Variants in SIN3A observed in about 807,000 individuals in gnomAD.
SIN3A encodes the protein paired amphipathic helix protein Sin3a.
In SIN3A, 14 loss-of-function variants were observed where a neutral mutation model predicts 146.1. The observed-to-expected ratio is 0.10, with a 90% CI of 0.06 to 0.15. The LOEUF is 0.15. Among genes scored for constraint, SIN3A ranks in the 10% least tolerant of loss-of-function variants. The pLI, the probability that SIN3A is intolerant of heterozygous loss-of-function variation, is 1.00. For synonymous variants in SIN3A, 572 were observed against 572.0 expected, an observed-to-expected ratio of 1.00 and a Z score of 0.00; for missense variants, 1,028 against 1,576.0, an observed-to-expected ratio of 0.65 and a Z score of 5.89.
intron 3 of SIN3A, chr15:75,415,548 G>C (rs2073717687): frequency 5.0e-6 from 1 of 198,690 alleles, no homozygotes; most frequent in African/African-American, 2.4e-5. Context: ...CAAAGCCAGA[G>C]CCCAACCCTA....
intron 1 of SIN3A, among the ~76,000 whole-genome samples, chr15:75,444,954 G>A (rs1309400159): frequency 6.6e-6 from 1 of 152,176 alleles, no homozygotes. Context: ...ATTAGGCCAG[G>A]CATGGTGGCT....
At chr15:75,413,099 T>C in intron 4 of SIN3A, 54 bp from the exon 5 acceptor site, 2 of 1,523,594 alleles carry the variant, frequency 1.3e-6, no homozygotes, top group Non-Finnish European at 1.8e-6. Flanking sequence ...AAACACCCTG[T>C]TAAGAAAAAA....
chr15:75,449,908 T>C (rs1331300272), intron 1 of SIN3A, among the ~76,000 whole-genome samples: 4 of 152,146 alleles, frequency 2.6e-5, no homozygotes, highest in Non-Finnish European at 5.9e-5. Flanking sequence ...GCCTCCCCAG[T>C]AGCTGGGATT....
intron 3 of SIN3A, chr15:75,415,998 A>G (rs1205375810): frequency 5.9e-6 from 2 of 340,242 alleles, no homozygotes; most frequent in Non-Finnish European, 1.1e-5. Flanking sequence ...CAGAAAGCTG[A>G]AGGTGCTAGA....
At chr15:75,406,924 T>G in intron 9 of SIN3A, 131 bp downstream of exon 9, 1 of 574,728 alleles carries the variant, frequency 1.7e-6, no homozygotes, top group Non-Finnish European at 3.0e-6. Context: ...GACTCACAAC[T>G]GGGAAACTAT....
intron 15 of SIN3A, 114 bp from the exon 16 acceptor site, chr15:75,389,935 G>A: frequency 3.2e-6 from 3 of 942,580 alleles, no homozygotes; most frequent in South Asian, 1.6e-5. Context: ...TGAACACTAG[G>A]TATTCAAAAT....
At chr15:75,441,476 T>A (rs1464698440) in intron 1 of SIN3A, among the ~76,000 whole-genome samples, 4 of 152,114 alleles carry the variant, frequency 2.6e-5, no homozygotes. Flanking sequence ...AAATTTTTTT[T>A]AGAGACAGGG....
At chr15:75,385,560 A>G (rs1489135101) in intron 16 of SIN3A, among the ~76,000 whole-genome samples, 1 of 152,236 alleles carries the variant, frequency 6.6e-6, no homozygotes, top group Non-Finnish European at 1.5e-5. Flanking sequence ...TTCCAAATGA[A>G]ACTTTATCAT....
chr15:75,434,983 TA>T (rs972117762), intron 1 of SIN3A, among the ~76,000 whole-genome samples: 615 of 143,460 alleles, frequency 4.3e-3, no homozygotes, highest in Non-Finnish European at 4.9e-3. Flanking sequence ...CAAAGCAATT[TA>T]AAAAAAAAAA....
chr15:75,378,177 G>T (rs2072899953), intron 19 of SIN3A, among the ~76,000 whole-genome samples: 1 of 152,206 alleles, frequency 6.6e-6, no homozygotes, highest in South Asian at 2.1e-4. Context: ...AGGAAAAAAA[G>T]ATTCATTCAT....
chr15:75,444,137 A>C (rs1449356728), intron 1 of SIN3A, among the ~76,000 whole-genome samples: 1 of 152,232 alleles, frequency 6.6e-6, no homozygotes, highest in Non-Finnish European at 1.5e-5. Context: ...TACAAGTGGT[A>C]ATAGCTAAAA....
chr15:75,380,756 G>C, intron 18 of SIN3A, 33 bp from the exon 19 acceptor site: 2 of 1,523,308 alleles, frequency 1.3e-6, no homozygotes, highest in South Asian at 1.1e-5. Flanking sequence ...CAGGTGGAAG[G>C]AAATCACAAA....
intron 15 of SIN3A, among the ~76,000 whole-genome samples, chr15:75,390,928 G>A (rs893895500): frequency 6.6e-6 from 1 of 152,124 alleles, no homozygotes; most frequent in African/African-American, 2.4e-5. Flanking sequence ...GTTACAAAAC[G>A]AACTATTTGT....
In SIN3A at chr15:75,392,795, C is replaced by G; in HGVS notation, c.2298G>C (p.Glu766Asp). 6.2e-7 allele frequency: 1 copy of G among 1,610,638 alleles called. No individual in the cohort carries two copies. The highest frequency in any genetic ancestry group is 1.1e-5 in the South Asian group (1 of 90,774). The change falls in exon 15 of 21, where the codon GAG becomes GAC. Residue 766 changes from glutamate to aspartate, a missense_variant. Around this residue, in one of 9 missense-constraint regions of SIN3A, gnomAD observed 488 missense variants for 690.2 expected, o/e 0.71. Transcript: ENST00000394947. ...GGCCAACAGGTACACCAGCATTCTC[C>G]TCCGTAGCCTGCTCTTGCCTCTGAT... is the stretch of plus-strand genomic sequence containing the variant. ...IYDERQEQATEENAGVPVGPH... is the reference protein window; with the variant it reads ...IYDERQEQATDENAGVPVGPH...
chr15:75,445,473 T>C (rs998230928), intron 1 of SIN3A, among the ~76,000 whole-genome samples: 3 of 150,908 alleles, frequency 2.0e-5, no homozygotes, highest in Admixed American at 1.3e-4. Context: ...AAGAATCACT[T>C]GAACCCAGGA....
At chr15:75,442,305 T>C (rs2074229945) in intron 1 of SIN3A, among the ~76,000 whole-genome samples, 1 of 151,464 alleles carries the variant, frequency 6.6e-6, no homozygotes, top group Admixed American at 6.6e-5. Context: ...ATACATCTTT[T>C]TGGCAAAGTG....
In SIN3A at chr15:75,451,632, A is replaced by AG. The variant is rs2074412999; in HGVS notation, c.-244dup. 8.9e-6 allele frequency: 1 copy of AG among 112,700 alleles called. No individual in the cohort carries two copies. 7.0% of individuals were successfully genotyped at this position (112,700 alleles called of 1,614,324 possible). On this transcript the variant is annotated 5_prime_UTR_variant, in exon 1 of 21. Coordinates refer to ENST00000394947, the MANE Select transcript of SIN3A (RefSeq NM_001145358.2). ...AGGGAAACTCCGAGGGGGGAAGGGG[A>AG]GGGGGGAAGATGGAGAAACCGTCTC...
chr15:75,427,994 A>AATAT (rs1472340865), intron 2 of SIN3A, among the ~76,000 whole-genome samples: 11 of 152,008 alleles, frequency 7.2e-5, no homozygotes, highest in Non-Finnish European at 1.6e-4. Context: ...TAAATAAATA[A>AATAT]ATAAATGAAT....
At chr15:75,447,218 G>A (rs904138514) in intron 1 of SIN3A, among the ~76,000 whole-genome samples, 10 of 152,314 alleles carry the variant, frequency 6.6e-5, no homozygotes, top group Admixed American at 3.3e-4. Flanking sequence ...TTTAAGAGCC[G>A]CAGTAACAAA....
Sources: allele counts gnomAD v4.1 joint callset (sites outside exome capture counted in the v4.1 genomes callset), GRCh38; gene constraint gnomAD v4.1.1; regional missense constraint gnomAD v4.1.1; transcripts MANE v1.5; gene names NCBI Gene and HGNC (gene_info 2026-07-23, HGNC 2026-07-21).